The following DNAH7 variants were observed in gnomAD, a reference collection of about 807,000 sequenced individuals.
The protein encoded by DNAH7 is dynein axonemal heavy chain 7.
Under a neutral mutation model 444.6 loss-of-function variants are expected in DNAH7, and 397 were observed. The ratio of observed to expected loss-of-function variants is 0.89; its 90% CI spans 0.82 to 0.97. DNAH7 has a LOEUF of 0.97. DNAH7 is among the 50% of genes least tolerant of loss of function. The pLI, the probability that DNAH7 is intolerant of heterozygous loss-of-function variation, is 0.00. For synonymous variants in DNAH7, 1,636 were observed against 1,624.4 expected (o/e 1.01, Z -0.17); for missense variants, 4,902 against 4,800.8 (o/e 1.02, Z -0.62).
chr2:195,932,014 AG>A (rs750114588), intron 21 of DNAH7, among the ~76,000 whole-genome samples: 1 of 152,236 alleles, frequency 6.6e-6, no homozygotes, highest in Non-Finnish European at 1.5e-5. Context: ...TACCTTGGGC[AG>A]TATGGCCATT....
chr2:195,951,221 T>C (rs922309429), intron 19 of DNAH7, among the ~76,000 whole-genome samples: 3 of 152,162 alleles, frequency 2.0e-5, no homozygotes, highest in African/African-American at 7.2e-5. Context: ...CAGGAGCAGG[T>C]TGTTCAGTTT....
intron 10 of DNAH7, among the ~76,000 whole-genome samples, chr2:196,008,353 G>T (rs538696111): frequency 7.2e-5 from 11 of 152,088 alleles, no homozygotes; most frequent in Non-Finnish European, 1.2e-4. Context: ...AAATCTTATA[G>T]TCACTTTGGA....
At chr2:195,742,278 T>C (rs1349826248) in intron 63 of DNAH7, among the ~76,000 whole-genome samples, 1 of 152,150 alleles carries the variant, frequency 6.6e-6, no homozygotes, top group Admixed American at 6.5e-5. Context: ...AAGAGAACTT[T>C]ATAGTATGGA....
At position 195,910,147 on chromosome 2, in the gene DNAH7, A is replaced by T. The variant is rs906688519; in HGVS notation, c.3984T>A (p.Gly1328=). ...TTTCAGTCTTCCCAGTGCCAGCTGGACCCTCAGGTGCTCCTCCAAGGTGCA... is the reference window on the plus strand; with the variant it reads ...TTTCAGTCTTCCCAGTGCCAGCTGGTCCCTCAGGTGCTCCTCCAAGGTGCA... ...LHLHLGGAPE[G]PAGTGKTETT... The change falls in exon 25 of 65, where the codon GGT becomes GGA. Residue 1328 remains glycine (G), a synonymous_variant. Transcript: ENST00000312428. 4 of 1,613,506 alleles carry T rather than the reference A, an allele frequency of 2.5e-6. No individual in the cohort carries two copies. In the East Asian group the frequency reaches 8.9e-5, roughly 36 times the overall value.
chr2:195,762,093 G>A (rs1054029880), intron 61 of DNAH7, among the ~76,000 whole-genome samples: 3 of 151,956 alleles, frequency 2.0e-5, no homozygotes, highest in African/African-American at 7.2e-5. Flanking sequence ...AAAGCAGGAG[G>A]GATGAAGGTA....
chr2:195,854,263 A>T (rs1294622296), intron 45 of DNAH7, among the ~76,000 whole-genome samples: 1 of 152,228 alleles, frequency 6.6e-6, no homozygotes, highest in Non-Finnish European at 1.5e-5. Flanking sequence ...TCTTGGAAGA[A>T]GATGAGATTA....
intron 46 of DNAH7, among the ~76,000 whole-genome samples, chr2:195,847,200 C>G (rs1331936445): frequency 2.7e-5 from 4 of 149,164 alleles, no homozygotes; most frequent in African/African-American, 5.0e-5. Flanking sequence ...AGTTTTGTCC[C>G]TCTAGAGAAT....
intron 15 of DNAH7, among the ~76,000 whole-genome samples, chr2:195,974,996 G>T (rs916466708): frequency 1.3e-5 from 2 of 152,062 alleles, no homozygotes; most frequent in African/African-American, 2.4e-5. Flanking sequence ...TGATTTTTAT[G>T]ATTTGCTGGG....
intron 61 of DNAH7, among the ~76,000 whole-genome samples, chr2:195,757,557 T>C (rs899775819): frequency 6.6e-6 from 1 of 152,208 alleles, no homozygotes; most frequent in African/African-American, 2.4e-5. Context: ...TCATTTGCCA[T>C]CTTCTCAAAA....
rs1316731440 is a variant in DNAH7 at position 196,053,770 on chromosome 2, A to G, written c.79-2521T>C. On this transcript the variant is annotated intron_variant, in intron 2 of 64. Transcript: ENST00000312428. Reference sequence around the variant, plus strand: ...AGCCTTCCTCAACATACTCCAAACTATTTTCCAGCTTCTCTTAGTTACTTT... The same window carrying G: ...AGCCTTCCTCAACATACTCCAAACTGTTTTCCAGCTTCTCTTAGTTACTTT... Among the ~76,000 whole-genome samples, 14 of 152,130 alleles carry G rather than the reference A, an allele frequency of 9.2e-5. No homozygotes were observed. The South Asian group carries it at 1.7e-3, about 18-fold the overall frequency.
chr2:195,999,248 G>A, intron 12 of DNAH7: 1 of 713,722 alleles, frequency 1.4e-6, no homozygotes, highest in South Asian at 1.5e-5. Flanking sequence ...TTTCTCTGTA[G>A]AGGAAAAAAA....
intron 22 of DNAH7, among the ~76,000 whole-genome samples, chr2:195,924,548 C>T (rs901615160): frequency 2.0e-5 from 3 of 151,394 alleles, no homozygotes; most frequent in African/African-American, 7.3e-5. Context: ...GAGCCAAGAT[C>T]ACGCCACTGC....
At chr2:195,902,150 C>A (rs1433892337) in intron 27 of DNAH7, 1 of 152,068 alleles carries the variant, frequency 6.6e-6, no homozygotes, top group Non-Finnish European at 1.5e-5. Flanking sequence ...AAAATAAGAA[C>A]ATCTTGTTTA....
intron 61 of DNAH7, among the ~76,000 whole-genome samples, chr2:195,760,026 G>C (rs953198137): frequency 6.6e-6 from 1 of 152,076 alleles, no homozygotes; most frequent in Non-Finnish European, 1.5e-5. Context: ...TTGGCTACTT[G>C]CTAGCTATTA....
rs1225019025 is a variant in DNAH7 at position 195,873,688 on chromosome 2, C to A, written c.6293G>T (p.Gly2098Val). The change falls in exon 39 of 65, where the codon GGT becomes GTT. Residue 2098 changes from glycine to valine, a missense_variant. By Grantham distance (109) the Gly-to-Val change is moderately radical. Transcript: ENST00000312428. The stretch of plus-strand genomic sequence containing the variant: ...GTATCGAGGAGTTACTGGATTTCGA[C>A]CACCACCTAAATATTAAAAAGTATA... ...IMCAMGPPGG[G>V]RNPVTPRYMR... 1 of 1,525,528 alleles carries A rather than the reference C, an allele frequency of 6.6e-7. No homozygotes were observed. The highest frequency in any genetic ancestry group is 8.7e-7 in the Non-Finnish European group (1 of 1,144,960). 94.5% of individuals were successfully genotyped at this position (1,525,528 alleles called of 1,614,324 possible).
Position 195,787,051 on chromosome 2 carries a change from T to C in DNAH7, c.10837A>G (p.Ile3613Val), listed in dbSNP as rs779264895. 1 of 1,608,866 alleles carries C rather than the reference T, an allele frequency of 6.2e-7. No individual in the cohort carries two copies. The highest frequency in any genetic ancestry group is 8.5e-7 in the Non-Finnish European group (1 of 1,178,654). The part of the protein sequence containing the change: ...PYEFNETDLR[I>V]SVQQLHMFLN... ...AACATGTGGAGCTGCTGTACGCTGA[T>C]TCTCAGATCTGTCTCATTGAACTCA... Residue 3613 changes from isoleucine to valine, a missense_variant, in exon 58 of 65, where the codon ATC becomes GTC. Transcript: ENST00000312428.
intron 36 of DNAH7, among the ~76,000 whole-genome samples, chr2:195,878,687 TAAAA>T (rs1300292232): frequency 1.6e-4 from 25 of 152,290 alleles, no homozygotes; most frequent in Admixed American, 1.6e-3. Flanking sequence ...TGAGGCCATC[TAAAA>T]ACAGAACTAA....
chr2:195,979,033 T>A (rs1318934125), intron 15 of DNAH7, among the ~76,000 whole-genome samples: 1 of 152,196 alleles, frequency 6.6e-6, no homozygotes, highest in South Asian at 2.1e-4. Flanking sequence ...AAAAAAGGAT[T>A]GTATGTCATA....
rs745681283 is a variant in DNAH7 at position 196,047,329 on chromosome 2, A to G, written c.398+23T>C. The G allele has an allele frequency of 5.2e-6, 8 of 1,527,954 alleles. No homozygotes were observed. In the Admixed American group the frequency reaches 1.3e-4, roughly 25 times the overall value. The allele number at this position is 1,527,954 out of a possible 1,614,324, so 94.6% of individuals were successfully genotyped here. On this transcript the variant is annotated intron_variant, in intron 5 of 64. Coordinates refer to ENST00000312428, the MANE Select transcript of DNAH7 (RefSeq NM_018897.3). ...AGGGGCTCTAACATGGGTAACACGT[A>G]ATGGTTAGCCTATACAACTTACATA...
Sources: allele counts gnomAD v4.1 joint callset (sites outside exome capture counted in the v4.1 genomes callset), GRCh38; gene constraint gnomAD v4.1.1; transcripts MANE v1.5; gene names NCBI Gene and HGNC (gene_info 2026-07-23, HGNC 2026-07-21).